GAB2: variants seen among roughly 807,000 people sequenced by gnomAD.
The protein encoded by GAB2 is GRB2 associated binding protein 2, also known as GRB2-associated-binding protein 2.
Under a neutral mutation model 65.5 loss-of-function variants are expected in GAB2, and 26 were observed. The observed-to-expected ratio is 0.40, with a 90% CI of 0.29 to 0.55. The LOEUF is 0.55. GAB2 is among the 20% of genes least tolerant of loss of function. The pLI is 0.53. For missense variants in GAB2, 884 were observed against 875.8 expected, an observed-to-expected ratio of 1.01 and a Z score of -0.12; for synonymous variants, 321 against 329.6, an observed-to-expected ratio of 0.97 and a Z score of 0.28.
In GAB2 at chr11:78,221,985, C is replaced by G. The variant is rs576014463; in HGVS notation, c.1658+120G>C. The G allele has an allele frequency of 1.2e-5, 9 of 745,866 alleles. No homozygotes were observed. The Admixed American group carries it at 1.4e-4, about 12-fold the overall frequency. The allele number at this position is 745,866 out of a possible 1,614,324, so 46.2% of individuals were successfully genotyped here. ...AAGCCACAAGACATCGAGACATGAT[C>G]AGCTAATGATAGCGTTAGCATCAGA... On this transcript the variant is annotated intron_variant, in intron 7 of 9. Coordinates refer to ENST00000361507, the MANE Select transcript of GAB2 (RefSeq NM_080491.3).
intron 1 of GAB2, among the ~76,000 whole-genome samples, chr11:78,380,367 G>A (rs187467884): frequency 8.7e-4 from 132 of 152,258 alleles, no homozygotes; most frequent in African/African-American, 3.1e-3. Context: ...ACCATGCCCA[G>A]CTAATTTTTG....
chr11:78,236,888 T>C (rs746223678), intron 3 of GAB2, among the ~76,000 whole-genome samples: 1 of 152,220 alleles, frequency 6.6e-6, no homozygotes, highest in Non-Finnish European at 1.5e-5. Flanking sequence ...ATATATATTG[T>C]CCCAAACAGA....
chr11:78,414,087 C>CAAAAAAAAAAAAAA (rs34915163), intron 1 of GAB2, among the ~76,000 whole-genome samples: 1 of 83,292 alleles, frequency 1.2e-5, no homozygotes. Flanking sequence ...AACTCTGTCT[C>CAAAAAAAAAAAAAA]AAAAAAAAAA....
At chr11:78,407,214 T>C (rs1315047330) in intron 1 of GAB2, among the ~76,000 whole-genome samples, 4 of 152,092 alleles carry the variant, frequency 2.6e-5, no homozygotes, top group Admixed American at 2.6e-4. Flanking sequence ...TTCTCAAATG[T>C]AGTAAGAAAG....
chr11:78,396,567 C>T (rs1037080000), intron 1 of GAB2, among the ~76,000 whole-genome samples: 5 of 152,218 alleles, frequency 3.3e-5, no homozygotes, highest in African/African-American at 1.2e-4. Context: ...CATTAAAAAC[C>T]TATGTTGTAG....
chr11:78,334,590 A>G (rs561437298), intron 1 of GAB2, among the ~76,000 whole-genome samples: 2 of 152,338 alleles, frequency 1.3e-5, no homozygotes, highest in East Asian at 3.9e-4. Context: ...AGAGGATCTC[A>G]TTCTTTTTAT....
chr11:78,269,706 T>G (rs1311472255), intron 2 of GAB2, among the ~76,000 whole-genome samples: 2 of 152,194 alleles, frequency 1.3e-5, no homozygotes, highest in South Asian at 2.1e-4. Context: ...ACTTAAGGAT[T>G]ACTAGAAGTT....
intron 1 of GAB2, among the ~76,000 whole-genome samples, chr11:78,301,330 G>GTTTTTT (rs373415325): frequency 2.7e-5 from 4 of 145,776 alleles, no homozygotes; most frequent in Admixed American, 6.8e-5. Context: ...GTATCTTGTG[G>GTTTTTT]TTTTTTGTTT....
At chr11:78,410,141 G>C (rs981816233) in intron 1 of GAB2, among the ~76,000 whole-genome samples, 1 of 152,210 alleles carries the variant, frequency 6.6e-6, no homozygotes, top group African/African-American at 2.4e-5. Flanking sequence ...AGTGCTGAGA[G>C]GGAAATTCAT....
At chr11:78,327,418 A>G (rs996224122) in intron 1 of GAB2, among the ~76,000 whole-genome samples, 5 of 152,214 alleles carry the variant, frequency 3.3e-5, no homozygotes, top group Admixed American at 3.3e-4. Context: ...ATCTGCAATG[A>G]GCCTTAAAGG....
chr11:78,304,625 T>A (rs1414884040), intron 1 of GAB2, among the ~76,000 whole-genome samples: 1 of 152,224 alleles, frequency 6.6e-6, no homozygotes, highest in Non-Finnish European at 1.5e-5. Flanking sequence ...TGCCAAGTTA[T>A]TAAAAGTTTT....
chr11:78,238,206 C>CAAAA (rs10541492), intron 3 of GAB2, among the ~76,000 whole-genome samples: 381 of 104,516 alleles, frequency 3.6e-3, no homozygotes, highest in Non-Finnish European at 4.8e-3. Context: ...AGGGAAGAAA[C>CAAAA]AAAAAAAAAA....
intron 2 of GAB2, among the ~76,000 whole-genome samples, chr11:78,275,124 T>G (rs906642214): frequency 5.9e-5 from 9 of 152,144 alleles, no homozygotes; most frequent in African/African-American, 1.9e-4. Flanking sequence ...ACATGAAGAC[T>G]CAGGTGACTG....
At chr11:78,381,990 C>T (rs1296324233) in intron 1 of GAB2, among the ~76,000 whole-genome samples, 1 of 152,244 alleles carries the variant, frequency 6.6e-6, no homozygotes, top group East Asian at 1.9e-4. Context: ...TCTCATATAT[C>T]AGCTCCATTC....
At chr11:78,325,838 A>G (rs1266335810) in intron 1 of GAB2, among the ~76,000 whole-genome samples, 1 of 152,214 alleles carries the variant, frequency 6.6e-6, no homozygotes, top group Non-Finnish European at 1.5e-5. Context: ...CAAATAAAAA[A>G]GAAAATTCAC....
chr11:78,238,206 C>CAAAAAAAAAAAAAAAAAAAAAAAAA (rs10541492), intron 3 of GAB2, among the ~76,000 whole-genome samples: 3 of 104,804 alleles, frequency 2.9e-5, no homozygotes, highest in African/African-American at 1.1e-4. Flanking sequence ...AGGGAAGAAA[C>CAAAAAAAAAAAAAAAAAAAAAAAAA]AAAAAAAAAA....
At chr11:78,277,660 C>G (rs2134579479) in intron 2 of GAB2, among the ~76,000 whole-genome samples, 1 of 152,238 alleles carries the variant, frequency 6.6e-6, no homozygotes, top group East Asian at 1.9e-4. Context: ...AGTAAACACA[C>G]TGTGCATGCA....
intron 2 of GAB2, among the ~76,000 whole-genome samples, chr11:78,276,127 AAG>A (rs1289794601): frequency 2.0e-5 from 3 of 150,270 alleles, no homozygotes; most frequent in African/African-American, 4.9e-5. Context: ...AAAAAAAAAA[AAG>A]AAGAAGAAAA....
intron 2 of GAB2, among the ~76,000 whole-genome samples, chr11:78,272,819 A>G (rs1039515933): frequency 3.9e-5 from 6 of 152,222 alleles, no homozygotes; most frequent in African/African-American, 1.4e-4. Context: ...CTAGGAGGAA[A>G]AAATGGTTTT....
Sources: gnomAD v4.1 joint callset for allele counts (sites outside exome capture counted in the v4.1 genomes callset) on GRCh38, gnomAD v4.1.1 for gene constraint, MANE v1.5 for transcripts, NCBI Gene and HGNC (gene_info 2026-07-23, HGNC 2026-07-21) for gene names.